Variants in KDM7A observed in about 807,000 individuals in gnomAD.
The protein encoded by KDM7A is lysine-specific demethylase 7A.
Under a neutral mutation model 114.8 loss-of-function variants are expected in KDM7A, and 28 were observed. The observed-to-expected ratio is 0.24, with a 90% CI of 0.18 to 0.33. KDM7A has a LOEUF of 0.33. Among genes scored for constraint, KDM7A ranks in the 10% least tolerant of loss-of-function variants. The pLI is 1.00. For synonymous variants in KDM7A, 423 were observed against 397.8 expected (o/e 1.06, Z -0.75); for missense variants, 942 against 1,142.5 (o/e 0.82, Z 2.53).
At chr7:140,149,460 G>A (rs1288431684) in intron 1 of KDM7A, among the ~76,000 whole-genome samples, 17 of 152,134 alleles carry the variant, frequency 1.1e-4, no homozygotes, top group Admixed American at 1.1e-3. Flanking sequence ...TTATTAGAAT[G>A]TTCTAAAGAA....
intron 2 of KDM7A, among the ~76,000 whole-genome samples, chr7:140,134,340 T>G (rs1233220647): frequency 6.6e-6 from 1 of 152,170 alleles, no homozygotes; most frequent in African/African-American, 2.4e-5. Flanking sequence ...TCTGCAATCT[T>G]GGGCAGGTCA....
intron 1 of KDM7A, among the ~76,000 whole-genome samples, chr7:140,174,767 A>G (rs1794683401): frequency 1.3e-5 from 2 of 151,882 alleles, no homozygotes; most frequent in Non-Finnish European, 2.9e-5. Flanking sequence ...CGCCCAGCTA[A>G]TTTTTGTATT....
rs1235858172 is a variant in KDM7A at position 140,176,528 on chromosome 7, G to C, written c.194+216C>G. ...GTTTGTTGTGGCGACTCTTCGCCCG[G>C]GCCAGGCGAGCCCACCGGCTCCCCT... On this transcript the variant is annotated intron_variant, in intron 1 of 19. Transcript: ENST00000397560. This position sits in a 1 kb window ranked among gnomAD's most constrained non-coding sequence, Gnocchi z 4.4. Among the ~76,000 whole-genome samples, 2 of 146,806 alleles carry C rather than the reference G, an allele frequency of 1.4e-5. No individual in the cohort carries two copies. Among genetic ancestry groups the C allele is most frequent in the Admixed American group, 1.4e-4 (2 of 14,814 alleles).
chr7:140,135,231 G>A (rs1433334579), intron 2 of KDM7A, among the ~76,000 whole-genome samples: 1 of 140,306 alleles, frequency 7.1e-6, no homozygotes, highest in East Asian at 2.0e-4. Context: ...TTGAGACAGA[G>A]TCTTGCCCTG....
intron 14 of KDM7A, among the ~76,000 whole-genome samples, chr7:140,098,362 A>G (rs1257505482): frequency 6.6e-6 from 1 of 152,240 alleles, no homozygotes; most frequent in African/African-American, 2.4e-5. Context: ...GACCTTAAGG[A>G]GAAGGAGGTG....
intron 1 of KDM7A, among the ~76,000 whole-genome samples, chr7:140,141,851 A>C (rs1037797997): frequency 1.3e-5 from 2 of 151,434 alleles, no homozygotes; most frequent in South Asian, 4.2e-4. Context: ...CCGAAATCAC[A>C]CCATTGCACT....
At chr7:140,167,522 G>A (rs1233962310) in intron 1 of KDM7A, among the ~76,000 whole-genome samples, 3 of 151,876 alleles carry the variant, frequency 2.0e-5, no homozygotes, top group African/African-American at 7.3e-5. Flanking sequence ...TGGGACAAAT[G>A]GACATTTCAA....
intron 1 of KDM7A, among the ~76,000 whole-genome samples, chr7:140,170,765 A>C (rs1331799104): frequency 6.6e-6 from 1 of 152,204 alleles, no homozygotes; most frequent in Non-Finnish European, 1.5e-5. Flanking sequence ...GACAGCAAGG[A>C]CTTTGTTTTG....
At position 140,126,648 on chromosome 7, in the gene KDM7A, G is replaced by A. The variant is rs1818709724; in HGVS notation, c.877C>T (p.His293Tyr). 1 of 1,606,268 alleles carries A rather than the reference G, an allele frequency of 6.2e-7. No homozygotes were observed. Among genetic ancestry groups the A allele is most frequent in the Admixed American group, 1.7e-5 (1 of 58,944 alleles). Reference protein sequence around the residue: ...IDFGGTSVWYHVLWGEKIFYL... With the variant: ...IDFGGTSVWYYVLWGEKIFYL... ...TACCCCAATCTTACCCAGAGGACAT[G>A]GTACCAGACTGAAGTTCCACCGAAG... Residue 293 changes from histidine to tyrosine, a missense_variant, in exon 6 of 20, where the codon CAT (histidine) becomes TAT (tyrosine). Around this residue, in one of 4 missense-constraint regions of KDM7A, gnomAD observed 318 missense variants for 453.1 expected, o/e 0.70. Coordinates refer to ENST00000397560, the MANE Select transcript of KDM7A (RefSeq NM_030647.2).
At chr7:140,175,984 C>A (rs926104118) in intron 1 of KDM7A, among the ~76,000 whole-genome samples, 2 of 151,678 alleles carry the variant, frequency 1.3e-5, no homozygotes, top group East Asian at 3.9e-4. Flanking sequence ...CCAGTCCCGG[C>A]GACCCGGGTG....
rs1817966967 is a variant in KDM7A, at chr7:140,088,296, T to G, written c.*2798A>C. On this transcript the variant is annotated 3_prime_UTR_variant, in exon 20 of 20. Coordinates refer to ENST00000397560, the MANE Select transcript of KDM7A (RefSeq NM_030647.2). ...CAATATTGAAAAGCATAATATTATG[T>G]GACATTGTAAATTATAATCCAATGG... is the stretch of plus-strand genomic sequence containing the variant. 2.6e-6 allele frequency: 1 copy of G among 383,698 alleles called. No homozygotes were observed. Among genetic ancestry groups the G allele is most frequent in the African/African-American group, 2.1e-5 (1 of 48,346 alleles). 23.8% of individuals were successfully genotyped at this position (383,698 alleles called of 1,614,324 possible). A position where few individuals can be genotyped will look rare whatever the true frequency, so the allele number is the denominator to read the frequency against.
chr7:140,150,924 GT>G lies in KDM7A; in HGVS notation c.195-11735del, dbSNP rs886777045. Among the ~76,000 whole-genome samples, 57 of 151,436 alleles carry G rather than the reference GT, an allele frequency of 3.8e-4. 2 individuals are homozygous for G. The highest frequency in any genetic ancestry group is 1.5e-5 in the Non-Finnish European group (1 of 67,912). On this transcript the variant is annotated intron_variant, in intron 1 of 19. Transcript: ENST00000397560. ...GCTCAATGCAACCTCCGCCTCCCAG[GT>G]TCAAGCAATTCTCCTGCCTCAGCCT...
chr7:140,101,443 T>A (rs945244512), intron 12 of KDM7A, among the ~76,000 whole-genome samples: 2 of 152,198 alleles, frequency 1.3e-5, no homozygotes, highest in African/African-American at 2.4e-5. Context: ...GACTTCTTCC[T>A]ATTTGTTACT....
chr7:140,156,473 C>G lies in KDM7A; in HGVS notation c.195-17283G>C, dbSNP rs78258088. On this transcript the variant is annotated intron_variant, in intron 1 of 19. Coordinates refer to ENST00000397560, the MANE Select transcript of KDM7A (RefSeq NM_030647.2). ...AGGTTGGAGTCCCCCATAAGCAGAA[C>G]CTGAGACAGGACTGCAGGCATTCAG... Among the ~76,000 whole-genome samples the G allele has an allele frequency of 8.5e-5, 13 of 152,252 alleles. No homozygotes were observed. In the East Asian group the frequency reaches 2.1e-3, roughly 25 times the overall value.
chr7:140,090,011 A>C lies in KDM7A; in HGVS notation c.*1083T>G, dbSNP rs984251164. On this transcript the variant is annotated 3_prime_UTR_variant, in exon 20 of 20. Transcript: ENST00000397560. Reference sequence around the variant, plus strand: ...TCCCAACAAATCAGGTATGGAGCATAAAAGTATCATAAGGTATAACCTCTG... The same window carrying C: ...TCCCAACAAATCAGGTATGGAGCATCAAAGTATCATAAGGTATAACCTCTG... 1.3e-5 allele frequency: 2 copies of C among 152,230 alleles called. No individual in the cohort carries two copies. Among genetic ancestry groups the C allele is most frequent in the Non-Finnish European group, 2.9e-5 (2 of 68,038 alleles). 9.4% of individuals were successfully genotyped at this position (152,230 alleles called of 1,614,324 possible).
chr7:140,166,457 A>C (rs1414226601), intron 1 of KDM7A, among the ~76,000 whole-genome samples: 1 of 148,490 alleles, frequency 6.7e-6, no homozygotes, highest in African/African-American at 2.5e-5. Flanking sequence ...CTCCCGCCTC[A>C]GCCTTCCAAG....
At chr7:140,136,902 G>A (rs1204525841) in intron 2 of KDM7A, among the ~76,000 whole-genome samples, 1 of 152,082 alleles carries the variant, frequency 6.6e-6, no homozygotes, top group African/African-American at 2.4e-5. Flanking sequence ...CAGGAGAATT[G>A]CTTGAACCTG....
At chr7:140,162,227 C>T (rs1399981835) in intron 1 of KDM7A, among the ~76,000 whole-genome samples, 1 of 151,712 alleles carries the variant, frequency 6.6e-6, no homozygotes, top group South Asian at 2.1e-4. Context: ...TCCAGCTACT[C>T]GGGAGGCTAA....
intron 1 of KDM7A, among the ~76,000 whole-genome samples, chr7:140,175,689 G>C (rs1206362824): frequency 1.3e-5 from 2 of 152,180 alleles, no homozygotes; most frequent in Non-Finnish European, 2.9e-5. Context: ...TCGGCGGCCT[G>C]GCTGCGGAGG....
Sources: allele counts gnomAD v4.1 joint callset (sites outside exome capture counted in the v4.1 genomes callset), GRCh38; gene constraint gnomAD v4.1.1; regional missense constraint gnomAD v4.1.1; non-coding constraint Gnocchi (gnomAD v3.1); transcripts MANE v1.5; gene names NCBI Gene and HGNC (gene_info 2026-07-23, HGNC 2026-07-21).